GHR: variants seen among roughly 807,000 people sequenced by gnomAD.
The protein encoded by GHR is GH receptor.
Under a neutral mutation model 67.1 loss-of-function variants are expected in GHR, and 35 were observed. The ratio of observed to expected loss-of-function variants is 0.52; its 90% CI spans 0.40 to 0.69. The LOEUF (loss-of-function observed/expected upper bound fraction) is 0.69, where lower values mean the gene tolerates loss of function less well. Among genes scored for constraint, GHR ranks in the 30% least tolerant of loss-of-function variants. The pLI, the probability that GHR is intolerant of heterozygous loss-of-function variation, is 0.00. For synonymous variants in GHR, 272 were observed against 269.1 expected, an observed-to-expected ratio of 1.01 and a Z score of -0.10; for missense variants, 792 against 764.6, an observed-to-expected ratio of 1.04 and a Z score of -0.42.
At chr5:42,466,588 C>T (rs1324835988) in intron 1 of GHR, among the ~76,000 whole-genome samples, 1 of 152,214 alleles carries the variant, frequency 6.6e-6, no homozygotes, top group East Asian at 1.9e-4. Context: ...GACCTTTCCC[C>T]AAATACAATC....
chr5:42,500,702 C>G (rs1202875687), intron 1 of GHR, among the ~76,000 whole-genome samples: 1 of 152,094 alleles, frequency 6.6e-6, no homozygotes, highest in Admixed American at 6.5e-5. Context: ...ACAGAGAACT[C>G]AAAATAGTAA....
chr5:42,716,145 A>G (rs1157094831), intron 8 of GHR, among the ~76,000 whole-genome samples: 1 of 148,950 alleles, frequency 6.7e-6, no homozygotes, highest in South Asian at 2.2e-4. Flanking sequence ...GGGAATTTGA[A>G]ATACCAATTT....
chr5:42,486,336 C>A (rs1300354281), intron 1 of GHR, among the ~76,000 whole-genome samples: 1 of 152,210 alleles, frequency 6.6e-6, no homozygotes, highest in Non-Finnish European at 1.5e-5. Flanking sequence ...CAACTTGGCT[C>A]TCTTTGAATC....
intron 3 of GHR, among the ~76,000 whole-genome samples, chr5:42,637,507 A>G (rs965858061): frequency 3.3e-5 from 5 of 152,012 alleles, no homozygotes; most frequent in Admixed American, 1.3e-4. Flanking sequence ...CTTTATACCC[A>G]TGTTTATCCA....
chr5:42,556,113 G>C (rs956150611), intron 1 of GHR, among the ~76,000 whole-genome samples: 1 of 152,078 alleles, frequency 6.6e-6, no homozygotes, highest in Non-Finnish European at 1.5e-5. Flanking sequence ...TGTTGGACTC[G>C]ATAAAAGGAA....
Position 42,588,737 on chromosome 5 carries a change from A to G in GHR, c.70+22793A>G, listed in dbSNP as rs192751180. Among the ~76,000 whole-genome samples the G allele has an allele frequency of 3.9e-5, 6 of 152,214 alleles. 1 individual carries two copies. Among genetic ancestry groups the G allele is most frequent in the Admixed American group, 3.3e-4 (5 of 15,284 alleles). The stretch of plus-strand genomic sequence containing the variant: ...GTTATCTCTCATCCATGTGTTTGAT[A>G]AATCCATATGAATGTCTTTTTTTGT... On this transcript the variant is annotated intron_variant, in intron 2 of 9. Transcript: ENST00000230882.
chr5:42,567,704 G>T (rs924017559), intron 2 of GHR, among the ~76,000 whole-genome samples: 1 of 151,758 alleles, frequency 6.6e-6, no homozygotes, highest in South Asian at 2.1e-4. Flanking sequence ...TAAGGATGGG[G>T]CATGATGTTT....
At chr5:42,465,311 T>C (rs1744677568) in intron 1 of GHR, 1 of 703,216 alleles carries the variant, frequency 1.4e-6, no homozygotes, top group South Asian at 1.8e-5. Context: ...CAGATTTTTT[T>C]TTTGCATGAA....
intron 1 of GHR, among the ~76,000 whole-genome samples, chr5:42,563,072 G>A (rs1481684178): frequency 6.6e-6 from 1 of 152,188 alleles, no homozygotes; most frequent in Non-Finnish European, 1.5e-5. Context: ...GCATCTGCCA[G>A]GCATCCTTGA....
chr5:42,594,917 A>G (rs1262949932), intron 2 of GHR, among the ~76,000 whole-genome samples: 1 of 152,154 alleles, frequency 6.6e-6, no homozygotes, highest in Non-Finnish European at 1.5e-5. Context: ...ATGAAGAATG[A>G]GTGTGAAAGA....
chr5:42,646,513 T>C (rs761557164), intron 3 of GHR: 1 of 296,546 alleles, frequency 3.4e-6, no homozygotes, highest in Non-Finnish European at 6.7e-6. Flanking sequence ...TAGAGTTAAG[T>C]TCCATGGGGA....
intron 1 of GHR, among the ~76,000 whole-genome samples, chr5:42,537,254 G>A (rs1482435032): frequency 6.6e-6 from 1 of 152,026 alleles, no homozygotes; most frequent in Non-Finnish European, 1.5e-5. Context: ...ACCTTAGAAA[G>A]TCACTTTGTG....
intron 1 of GHR, among the ~76,000 whole-genome samples, chr5:42,493,945 TC>T (rs1746218419): frequency 6.6e-6 from 1 of 152,188 alleles, no homozygotes; most frequent in South Asian, 2.1e-4. Context: ...GGAAGTCATT[TC>T]AGAGACTGGC....
intron 1 of GHR, among the ~76,000 whole-genome samples, chr5:42,489,082 C>A (rs146987722): frequency 6.6e-6 from 1 of 152,178 alleles, no homozygotes; most frequent in Non-Finnish European, 1.5e-5. Flanking sequence ...GCCTTCTTAT[C>A]CTGTTTCTCT....
At chr5:42,608,957 A>C (rs1362241943) in intron 2 of GHR, among the ~76,000 whole-genome samples, 4 of 152,108 alleles carry the variant, frequency 2.6e-5, no homozygotes, top group African/African-American at 9.7e-5. Context: ...AATCAATATT[A>C]TATAATTTAA....
Position 42,567,767 on chromosome 5 carries a change from CTGTGTGTGTGTG to C in GHR, c.70+1859_70+1870del, listed in dbSNP as rs68150223. On this transcript the variant is annotated intron_variant, in intron 2 of 9. Transcript: ENST00000230882. ...CCAGTGTGTGTGTGCATGCTTGGCT[CTGTGTGTGTGTG>C]TGTGTGTGTGTGTGTGTGTGTGTGT... Among the ~76,000 whole-genome samples, 690 of 140,762 alleles carry C rather than the reference CTGTGTGTGTGTG, an allele frequency of 4.9e-3. 2 individuals are homozygous for C. Among genetic ancestry groups the C allele is most frequent in the African/African-American group, 0.012 (469 of 38,044 alleles). The allele number at this position is 140,762 out of a possible 152,430, so 92.3% of individuals were successfully genotyped here.
At chr5:42,468,862 G>C in intron 1 of GHR, 1 of 897,730 alleles carries the variant, frequency 1.1e-6, no homozygotes. Context: ...TAACTGCCCA[G>C]GCATGATGGT....
At chr5:42,616,270 A>G (rs979853744) in intron 2 of GHR, among the ~76,000 whole-genome samples, 1 of 152,058 alleles carries the variant, frequency 6.6e-6, no homozygotes, top group African/African-American at 2.4e-5. Context: ...TTGTTCGGGA[A>G]AAAGGTGCTG....
chr5:42,697,497 G>A (rs917958564), intron 5 of GHR, among the ~76,000 whole-genome samples: 1 of 152,084 alleles, frequency 6.6e-6, no homozygotes, highest in Non-Finnish European at 1.5e-5. Flanking sequence ...GAATAAAGAA[G>A]GATTGGAGAG....
Sources: gnomAD v4.1 joint callset for allele counts (sites outside exome capture counted in the v4.1 genomes callset) on GRCh38, gnomAD v4.1.1 for gene constraint, MANE v1.5 for transcripts, NCBI Gene and HGNC (gene_info 2026-07-23, HGNC 2026-07-21) for gene names.